The following ASAP1 variants were observed in gnomAD, a reference collection of about 807,000 sequenced individuals.
ASAP1 encodes the protein ArfGAP with SH3 domain, ankyrin repeat and PH domain 1.
Under a neutral mutation model 145.2 loss-of-function variants are expected in ASAP1, and 43 were observed. The ratio of observed to expected loss-of-function variants is 0.30; its 90% CI spans 0.23 to 0.38. ASAP1 has a LOEUF of 0.38. Ranked by LOEUF, ASAP1 falls within the 10% of genes least tolerant of loss-of-function variation. The pLI, the probability that ASAP1 is intolerant of heterozygous loss-of-function variation, is 1.00. For missense variants in ASAP1, 1,018 were observed against 1,355.3 expected, an observed-to-expected ratio of 0.75 and a Z score of 3.91; for synonymous variants, 546 against 515.5, an observed-to-expected ratio of 1.06 and a Z score of -0.80.
At chr8:130,089,053 G>A (rs528370625) in intron 25 of ASAP1, among the ~76,000 whole-genome samples, 8 of 152,300 alleles carry the variant, frequency 5.3e-5, no homozygotes, top group African/African-American at 1.9e-4. Flanking sequence ...CTCAGAAGGA[G>A]TTCATGTACT....
intron 27 of ASAP1, among the ~76,000 whole-genome samples, chr8:130,068,858 T>C (rs759108556): frequency 4.6e-5 from 7 of 152,166 alleles, no homozygotes; most frequent in Non-Finnish European, 7.4e-5. Flanking sequence ...ACCCAAGTCA[T>C]GGTAAATGTG....
intron 12 of ASAP1, among the ~76,000 whole-genome samples, chr8:130,156,463 C>G (rs1282263036): frequency 6.6e-6 from 1 of 152,200 alleles, no homozygotes; most frequent in Non-Finnish European, 1.5e-5. Context: ...AGGACCGTAT[C>G]TCATTTATGT....
chr8:130,066,584 T>C (rs10101611), intron 27 of ASAP1, among the ~76,000 whole-genome samples: 9,879 of 151,720 alleles, frequency 0.065, 1,093 homozygotes, highest in African/African-American at 0.22. Flanking sequence ...TTTCTTTCTT[T>C]CTTCTCTCTC....
At chr8:130,442,633 G>A (rs1296654542) in intron 1 of ASAP1, among the ~76,000 whole-genome samples, 5 of 152,110 alleles carry the variant, frequency 3.3e-5, no homozygotes, top group African/African-American at 1.2e-4. Context: ...AAGTTCTTTT[G>A]CTTTCCTGAC....
At chr8:130,403,125 A>G (rs1828870649) in intron 1 of ASAP1, among the ~76,000 whole-genome samples, 1 of 152,168 alleles carries the variant, frequency 6.6e-6, no homozygotes, top group Non-Finnish European at 1.5e-5. Flanking sequence ...AGTCATAAAT[A>G]TTACCGCATG....
intron 3 of ASAP1, among the ~76,000 whole-genome samples, chr8:130,315,357 G>C (rs1823604025): frequency 6.6e-6 from 1 of 152,158 alleles, no homozygotes; most frequent in Non-Finnish European, 1.5e-5. Flanking sequence ...TCAGGGATGA[G>C]AGTTGAGATC....
intron 5 of ASAP1, among the ~76,000 whole-genome samples, chr8:130,201,325 A>G (rs961257053): frequency 6.6e-6 from 1 of 152,206 alleles, no homozygotes; most frequent in African/African-American, 2.4e-5. Flanking sequence ...AAAATGCAAG[A>G]CAAATTACAC....
At chr8:130,150,432 A>G (rs570623853) in intron 13 of ASAP1, among the ~76,000 whole-genome samples, 99 of 152,356 alleles carry the variant, frequency 6.5e-4, no homozygotes, top group African/African-American at 1.9e-3. Context: ...ATCACTCTGC[A>G]CTGCCTTCCA....
chr8:130,193,737 T>C (rs967519798), intron 5 of ASAP1, among the ~76,000 whole-genome samples: 2 of 152,210 alleles, frequency 1.3e-5, no homozygotes, highest in Non-Finnish European at 2.9e-5. Context: ...AAGGCTGTAT[T>C]ATAAAATAAC....
intron 3 of ASAP1, among the ~76,000 whole-genome samples, chr8:130,299,065 T>C (rs1822463820): frequency 1.3e-5 from 2 of 151,848 alleles, no homozygotes. Flanking sequence ...CTGTGGAAAG[T>C]GGGTAAAGAA....
intron 1 of ASAP1, among the ~76,000 whole-genome samples, chr8:130,434,524 C>T (rs377210674): frequency 1.3e-5 from 2 of 152,096 alleles, no homozygotes; most frequent in Admixed American, 1.3e-4. Context: ...CACATATTAA[C>T]GAGCAATACA....
chr8:130,074,135 T>C (rs1308915291), intron 27 of ASAP1, among the ~76,000 whole-genome samples: 1 of 151,966 alleles, frequency 6.6e-6, no homozygotes, highest in African/African-American at 2.4e-5. Flanking sequence ...AAGGGGGCAA[T>C]TGTGAGACAG....
chr8:130,097,512 G>A (rs1365265107), intron 24 of ASAP1, among the ~76,000 whole-genome samples: 2 of 152,092 alleles, frequency 1.3e-5, no homozygotes, highest in Admixed American at 6.5e-5. Context: ...AGTGGTTGCC[G>A]CTGAACCTAC....
At chr8:130,235,210 C>G (rs1818144055) in intron 4 of ASAP1, among the ~76,000 whole-genome samples, 1 of 152,082 alleles carries the variant, frequency 6.6e-6, no homozygotes, top group Non-Finnish European at 1.5e-5. Flanking sequence ...TATATGTATA[C>G]TATGGTTTAT....
At chr8:130,340,852 T>C in intron 3 of ASAP1, 1 of 454,896 alleles carries the variant, frequency 2.2e-6, no homozygotes, top group South Asian at 1.6e-5. Flanking sequence ...CTTGTGACTC[T>C]TATGATGGCT....
chr8:130,345,796 A>G (rs1317501325), intron 3 of ASAP1, among the ~76,000 whole-genome samples: 3 of 152,202 alleles, frequency 2.0e-5, no homozygotes, highest in African/African-American at 7.2e-5. Flanking sequence ...ACATCACAAA[A>G]AAGTACTCAG....
At chr8:130,354,029 A>G (rs926844179) in intron 3 of ASAP1, among the ~76,000 whole-genome samples, 1 of 151,896 alleles carries the variant, frequency 6.6e-6, no homozygotes, top group Non-Finnish European at 1.5e-5. Flanking sequence ...TGGGACTACA[A>G]GGCGCCTGAC....
At chr8:130,058,376 C>T (rs1479251585) in intron 28 of ASAP1, among the ~76,000 whole-genome samples, 1 of 152,182 alleles carries the variant, frequency 6.6e-6, no homozygotes, top group Non-Finnish European at 1.5e-5. Context: ...TTGAGCTTCA[C>T]CAAAAACCAT....
intron 4 of ASAP1, among the ~76,000 whole-genome samples, chr8:130,232,453 A>C (rs561025410): frequency 3.3e-5 from 5 of 152,328 alleles, no homozygotes; most frequent in African/African-American, 1.2e-4. Context: ...AACTTAGAGA[A>C]CAACACAGGA....
Sources: allele counts gnomAD v4.1 joint callset (sites outside exome capture counted in the v4.1 genomes callset), GRCh38; gene constraint gnomAD v4.1.1; transcripts MANE v1.5; gene names NCBI Gene and HGNC (gene_info 2026-07-23, HGNC 2026-07-21).